The following ANKAR variants were observed in gnomAD, a reference collection of about 807,000 sequenced individuals.
The protein encoded by ANKAR is ankyrin and armadillo repeat-containing protein.
ANKAR carries 136 observed loss-of-function variants against 146.2 expected under a neutral mutation model. The observed-to-expected ratio is 0.93, with a 90% confidence interval of 0.81 to 1.07. ANKAR has a LOEUF of 1.07. Ranked by LOEUF, ANKAR falls within the 50% of genes least tolerant of loss-of-function variation. ANKAR has a pLI of 0.00. For missense variants in ANKAR, 1,567 were observed against 1,679.9 expected, an observed-to-expected ratio of 0.93 and a Z score of 1.18; for synonymous variants, 500 against 575.8, an observed-to-expected ratio of 0.87 and a Z score of 1.88.
chr2:189,738,614 C>T lies in ANKAR; in HGVS notation c.3632C>T (p.Ser1211Phe), dbSNP rs1278412809. ...AGAGATATGGACCATATTACTTTGT[C>T]TGCAAGAGGTGTTACTATTTTAGTT... Reference protein sequence around the residue: ...VIRDMDHITLSARGVTILVDS... With the variant: ...VIRDMDHITLFARGVTILVDS... Residue 1211 changes from serine (S) to phenylalanine (F), a missense_variant, in exon 19 of 23, where the codon TCT (serine) becomes TTT (phenylalanine). By Grantham distance (155) the Ser-to-Phe change is radical. Coordinates refer to ENST00000684021, the MANE Select transcript of ANKAR (RefSeq NM_001378068.1). 6.2e-7 allele frequency: 1 copy of T among 1,612,352 alleles called. No homozygotes were observed.
chr2:189,759,125 A>C (rs562089744), intron 18 of ANKAR, among the ~76,000 whole-genome samples: 10 of 152,338 alleles, frequency 6.6e-5, no homozygotes, highest in African/African-American at 2.2e-4. Context: ...GCAGTACTTC[A>C]CAGTGCCTTA....
intron 20 of ANKAR, among the ~76,000 whole-genome samples, chr2:189,742,904 TGACACACACACACACA>T (rs1292058191): frequency 3.8e-3 from 40 of 10,558 alleles, no homozygotes; most frequent in Non-Finnish European, 6.3e-3. Context: ...TAGAATTACC[TGACACACACACACACA>T]CACACACACA....
chr2:189,707,189 C>T lies in ANKAR; in HGVS notation c.2119+43C>T, dbSNP rs773768987. The T allele has an allele frequency of 3.1e-5, 34 of 1,097,558 alleles. No individual in the cohort carries two copies. The South Asian group carries it at 4.5e-4, about 14-fold the overall frequency. The allele number at this position is 1,097,558 out of a possible 1,614,324, so 68.0% of individuals were successfully genotyped here. A position where few individuals can be genotyped will look rare whatever the true frequency, so the allele number is the denominator to read the frequency against. On this transcript the variant is annotated intron_variant, in intron 9 of 22. Coordinates refer to ENST00000684021, the MANE Select transcript of ANKAR (RefSeq NM_001378068.1). Reference sequence around the variant, plus strand: ...ATAAATACATGTTCTGATTATTATTCAGTTTAGTTATTGATACTCTGAAAG... The same window carrying T: ...ATAAATACATGTTCTGATTATTATTTAGTTTAGTTATTGATACTCTGAAAG...
chr2:189,761,393 G>A (rs758024017), downstream of ANKAR: 13 of 1,560,048 alleles, frequency 8.3e-6, no homozygotes, highest in Admixed American at 1.1e-4. Context: ...CAAAAAAGTG[G>A]AAATGACTAA....
chr2:189,732,961 A>T, intron 16 of ANKAR, 146 bp from the exon 17 acceptor site: 1 of 742,544 alleles, frequency 1.3e-6, no homozygotes, highest in Non-Finnish European at 2.0e-6. Flanking sequence ...TTCTTTCGCT[A>T]GTAAGATAAC....
At chr2:189,705,346 C>A in intron 8 of ANKAR, 122 bp downstream of exon 8, 3 of 972,804 alleles carry the variant, frequency 3.1e-6, no homozygotes, top group Non-Finnish European at 4.5e-6. Flanking sequence ...ACACACACTG[C>A]CACTAAAAGG....
intron 12 of ANKAR, among the ~76,000 whole-genome samples, chr2:189,721,019 A>G (rs1389760179): frequency 1.3e-5 from 2 of 152,138 alleles, no homozygotes; most frequent in Non-Finnish European, 2.9e-5. Flanking sequence ...ACAGAGTCTC[A>G]GTCTGTCGCC....
At chr2:189,746,667 T>A (rs746312263), downstream of ANKAR, 29 of 1,534,414 alleles carry the variant, frequency 1.9e-5, no homozygotes, top group African/African-American at 5.6e-5. Flanking sequence ...AGCCATCTTT[T>A]AAAAATTTTT....
intron 15 of ANKAR, among the ~76,000 whole-genome samples, chr2:189,729,423 C>G (rs537593517): frequency 1.3e-5 from 2 of 152,254 alleles, no homozygotes; most frequent in East Asian, 3.9e-4. Context: ...CAAAAATAGT[C>G]CAGCTGAATG....
At chr2:189,693,209 C>T (rs752291807) in intron 5 of ANKAR, 32 bp downstream of exon 5, 4 of 1,402,334 alleles carry the variant, frequency 2.9e-6, no homozygotes, top group Admixed American at 2.1e-5. Context: ...CTGACATTAA[C>T]TACAATTTTT....
intron 18 of ANKAR, chr2:189,754,022 G>C (rs1197994683): frequency 6.2e-7 from 1 of 1,613,396 alleles, no homozygotes; most frequent in Non-Finnish European, 8.5e-7. Context: ...TACTGTGGCA[G>C]CAATGTCTGC....
At chr2:189,735,009 A>T (rs959872172) in intron 17 of ANKAR, among the ~76,000 whole-genome samples, 8 of 149,784 alleles carry the variant, frequency 5.3e-5, no homozygotes, top group Non-Finnish European at 7.4e-5. Flanking sequence ...AGAGTAAAAA[A>T]AAATATATAT....
chr2:189,739,150 C>G (rs2043112346), intron 19 of ANKAR, among the ~76,000 whole-genome samples: 1 of 152,218 alleles, frequency 6.6e-6, no homozygotes, highest in African/African-American at 2.4e-5. Flanking sequence ...GTTCTCAACA[C>G]ATTTATTGCT....
At chr2:189,698,847 A>G (rs2037639238) in intron 7 of ANKAR, among the ~76,000 whole-genome samples, 1 of 152,176 alleles carries the variant, frequency 6.6e-6, no homozygotes, top group East Asian at 1.9e-4. Flanking sequence ...AGGGTGGTAA[A>G]GGAGGTGAGT....
intron 7 of ANKAR, 143 bp from the exon 8 acceptor site, chr2:189,704,880 G>A: frequency 1.5e-6 from 1 of 659,300 alleles, no homozygotes. Context: ...ATATAGGGTT[G>A]TCTAAATTTT....
At chr2:189,761,412 CT>C, downstream of ANKAR, 1 of 1,591,998 alleles carries the variant, frequency 6.3e-7, no homozygotes, top group Non-Finnish European at 8.5e-7. Context: ...AAGATAATGT[CT>C]ACTTACTTTA....
chr2:189,725,678 C>T (rs941582299), intron 12 of ANKAR, among the ~76,000 whole-genome samples: 19 of 152,218 alleles, frequency 1.2e-4, no homozygotes, highest in Admixed American at 2.0e-4. Flanking sequence ...GGGGCCAAGA[C>T]GGGCAAATAG....
intron 2 of ANKAR, among the ~76,000 whole-genome samples, chr2:189,680,326 T>C (rs2034455825): frequency 1.3e-5 from 2 of 152,202 alleles, no homozygotes; most frequent in Admixed American, 6.5e-5. Context: ...ATTTGGATCT[T>C]CTCTCTCTTT....
At chr2:189,738,149 A>G (rs1321891723) in intron 18 of ANKAR, among the ~76,000 whole-genome samples, 1 of 152,198 alleles carries the variant, frequency 6.6e-6, no homozygotes, top group Non-Finnish European at 1.5e-5. Flanking sequence ...GTAAATAGGT[A>G]GAAAAACATG....
Sources: allele counts gnomAD v4.1 joint callset (sites outside exome capture counted in the v4.1 genomes callset), GRCh38; gene constraint gnomAD v4.1.1; transcripts MANE v1.5; gene names NCBI Gene and HGNC (gene_info 2026-07-23, HGNC 2026-07-21).